The following CSF3R variants were observed in gnomAD, a reference collection of about 807,000 sequenced individuals.
CSF3R encodes the protein granulocyte colony-stimulating factor receptor.
Under a neutral mutation model 84.4 loss-of-function variants are expected in CSF3R, and 52 were observed. The ratio of observed to expected loss-of-function variants is 0.62; its 90% CI spans 0.49 to 0.78. The LOEUF (loss-of-function observed/expected upper bound fraction) is 0.78. Among genes scored for constraint, CSF3R ranks in the 30% least tolerant of loss-of-function variants. The pLI is 0.00. For synonymous variants in CSF3R, 384 were observed against 429.1 expected (o/e 0.89, Z 1.30); for missense variants, 890 against 1,055.7 (o/e 0.84, Z 2.17).
In CSF3R at chr1:36,475,586, T is replaced by G; in HGVS notation, c.152A>C (p.Asn51Thr). 6.2e-7 allele frequency: 1 copy of G among 1,612,208 alleles called. No individual in the cohort carries two copies. The highest frequency in any genetic ancestry group is 1.3e-5 in the African/African-American group (1 of 74,976). The change falls in exon 4 of 17, where the codon AAC becomes ACC. Residue 51 changes from asparagine to threonine, a missense_variant. Physicochemically the swap from Asn to Thr is moderately conservative, Grantham distance 65. Transcript: ENST00000373106. ...PITASCIIKQNCSHLDPEPQI... is the reference protein window; with the variant it reads ...PITASCIIKQTCSHLDPEPQI... ...TGGCTCCGGGTCCAGATGGCTGCAG[T>G]TCTGCTTGATGATGCAGGAGGCTGT...
chr1:36,470,445 A>C (rs1650638519), intron 10 of CSF3R, among the ~76,000 whole-genome samples: 1 of 152,136 alleles, frequency 6.6e-6, no homozygotes, highest in Admixed American at 6.5e-5. Context: ...TCAGCCTCCC[A>C]AAGTGCTGGG....
rs767470218 is a variant in CSF3R, at chr1:36,472,427, C to T, written c.844-36G>A. 1.1e-5 allele frequency: 17 copies of T among 1,613,648 alleles called. No individual in the cohort carries two copies. Among genetic ancestry groups the T allele is most frequent in the East Asian group, 2.2e-5 (1 of 44,882 alleles). On this transcript the variant is annotated intron_variant, in intron 7 of 16. Transcript: ENST00000373106. The surrounding 1 kb of genome is among the most constrained non-coding windows in gnomAD (Gnocchi z 5.0). ...GTGGACAGGACTCTGAGCCTTGGAT[C>T]GCTGGGCCATTCTAGGGCCAGCTCG...
At chr1:36,481,077 T>C (rs1212348054) in intron 2 of CSF3R, among the ~76,000 whole-genome samples, 1 of 152,148 alleles carries the variant, frequency 6.6e-6, no homozygotes, top group African/African-American at 2.4e-5. Context: ...GCAACACTGG[T>C]TGGGGAAGAT....
rs772910895 is a variant in CSF3R, at chr1:36,466,383, C to A, written c.2485G>T (p.Gly829Trp). 6.2e-7 allele frequency: 1 copy of A among 1,613,338 alleles called. No homozygotes were observed. Among genetic ancestry groups the A allele is most frequent in the East Asian group, 2.2e-5 (1 of 44,878 alleles). ...FPLLQGIRVH[G>W]MEALGSF ...TAGAAGCTCCCCAGCGCCTCCATCC[C>A]ATGGACCCGGATCCCCTGCAGGAGG... The change falls in exon 17 of 17, where the codon GGG becomes TGG. Residue 829 changes from glycine (G) to tryptophan (W), a missense_variant. By Grantham distance (184) the Gly-to-Trp change is radical. Coordinates refer to ENST00000373106, the MANE Select transcript of CSF3R (RefSeq NM_000760.4). The surrounding 1 kb of genome is among the most constrained non-coding windows in gnomAD (Gnocchi z 4.6).
At chr1:36,479,341 C>T in intron 3 of CSF3R, 92 bp downstream of exon 3, 1 of 1,260,358 alleles carries the variant, frequency 7.9e-7, no homozygotes, top group South Asian at 1.2e-5. Flanking sequence ...CTCTGGGAAT[C>T]CCAGGAGCCA....
chr1:36,472,477 C>T lies in CSF3R; in HGVS notation c.843+40G>A. ...GAGCCCGACTTACCCTGCCCCCTGCCCCCACCACCTCAGGCTCTCCAGGTT... is the reference window on the plus strand; with the variant it reads ...GAGCCCGACTTACCCTGCCCCCTGCTCCCACCACCTCAGGCTCTCCAGGTT... On this transcript the variant is annotated intron_variant, in intron 7 of 16. Transcript: ENST00000373106. This position sits in a 1 kb window ranked among gnomAD's most constrained non-coding sequence, Gnocchi z 5.0. 1 of 1,614,094 alleles carries T rather than the reference C, an allele frequency of 6.2e-7. No individual in the cohort carries two copies. Among genetic ancestry groups the T allele is most frequent in the Non-Finnish European group, 8.5e-7 (1 of 1,180,000 alleles).
At position 36,467,101 on chromosome 1, in the gene CSF3R, T is replaced by C; in HGVS notation, c.2040+129A>G. 1 of 1,282,198 alleles carries C rather than the reference T, an allele frequency of 7.8e-7. No homozygotes were observed. Among genetic ancestry groups the C allele is most frequent in the Non-Finnish European group, 1.1e-6 (1 of 893,280 alleles). 79.4% of individuals were successfully genotyped at this position (1,282,198 alleles called of 1,614,324 possible). A position where few individuals can be genotyped will look rare whatever the true frequency, so the allele number is the denominator to read the frequency against. The stretch of plus-strand genomic sequence containing the variant: ...GGTGGGATTCAAAGTTGGGTCTGCT[T>C]CAGTCCAAAGGGACGAGATGTTGCC... On this transcript the variant is annotated intron_variant, in intron 16 of 16. Coordinates refer to ENST00000373106, the MANE Select transcript of CSF3R (RefSeq NM_000760.4). This position sits in a 1 kb window ranked among gnomAD's most constrained non-coding sequence, Gnocchi z 4.1.
At chr1:36,469,070 C>T (rs1018279235) in intron 12 of CSF3R, 86 bp downstream of exon 12, 4 of 966,728 alleles carry the variant, frequency 4.1e-6, no homozygotes, top group African/African-American at 1.6e-5. Context: ...AGGCAATGTT[C>T]CCTATACTTC....
At chr1:36,475,311 ATAT>A in intron 4 of CSF3R, 63 bp downstream of exon 4, 1 of 1,593,202 alleles carries the variant, frequency 6.3e-7, no homozygotes, top group Middle Eastern at 2.2e-4. Flanking sequence ...CCGGCTGGTA[ATAT>A]TCTTATTAGT....
rs1280126194 is a variant in CSF3R at position 36,468,162 on chromosome 1, C to T, written c.1636G>A (p.Glu546Lys). Reference sequence around the variant, plus strand: ...AGCTCAGGGGGCTCAGGCACCCACTCCAGCTGTGCCCAGGTCTTGCCAATG... The same window carrying T: ...AGCTCAGGGGGCTCAGGCACCCACTTCAGCTGTGCCCAGGTCTTGCCAATG... The part of the protein sequence containing the change: ...KHIGKTWAQL[E>K]WVPEPPELGK... Residue 546 changes from glutamate to lysine, a missense_variant, in exon 13 of 17, where the codon GAG becomes AAG. Physicochemically the swap from Glu to Lys is moderately conservative, Grantham distance 56. Transcript: ENST00000373106. 2.5e-6 allele frequency: 4 copies of T among 1,612,690 alleles called. No individual in the cohort carries two copies. The highest frequency in any genetic ancestry group is 3.4e-6 in the Non-Finnish European group (4 of 1,179,202).
At chr1:36,470,508 A>C (rs1650642528) in intron 10 of CSF3R, among the ~76,000 whole-genome samples, 1 of 152,200 alleles carries the variant, frequency 6.6e-6, no homozygotes, top group African/African-American at 2.4e-5. Context: ...TAATTCACTG[A>C]GTCCTCTAAT....
intron 12 of CSF3R, 70 bp downstream of exon 12, chr1:36,469,086 G>T (rs548853956): frequency 3.5e-6 from 4 of 1,132,090 alleles, no homozygotes; most frequent in South Asian, 1.3e-5. Context: ...ACTTCTGATT[G>T]CTGGGGACCA....
intron 4 of CSF3R, among the ~76,000 whole-genome samples, chr1:36,475,161 T>C (rs1031507862): frequency 2.0e-5 from 3 of 152,124 alleles, no homozygotes; most frequent in Non-Finnish European, 4.4e-5. Context: ...CCCGCCACTA[T>C]GCCTGGCTAA....
chr1:36,469,197 A>G lies in CSF3R; in HGVS notation c.1535T>C (p.Met512Thr). The G allele has an allele frequency of 6.2e-7, 1 of 1,614,148 alleles. No homozygotes were observed. Among genetic ancestry groups the G allele is most frequent in the Non-Finnish European group, 8.5e-7 (1 of 1,180,012 alleles). The change falls in exon 12 of 17, where the codon ATG (methionine) becomes ACG (threonine). Residue 512 changes from methionine to threonine, a missense_variant. By Grantham distance (81) the Met-to-Thr change is moderately conservative. Transcript: ENST00000373106. The stretch of plus-strand genomic sequence containing the variant: ...GGCATAGACATGCTGGGAGGGTCCC[A>G]TGGTGTCCTGGTACAAGGGAGTCAC... ...IIVTPLYQDT[M>T]GPSQHVYAYS...
intron 10 of CSF3R, 146 bp downstream of exon 10, chr1:36,471,287 T>A (rs1650704005): frequency 1.2e-6 from 1 of 819,616 alleles, no homozygotes; most frequent in Admixed American, 1.7e-5. Context: ...CCTCGGATGA[T>A]CTGCCCACCT....
chr1:36,473,955 G>T, intron 4 of CSF3R, 68 bp from the exon 5 acceptor site: 2 of 1,609,384 alleles, frequency 1.2e-6, no homozygotes, highest in Non-Finnish European at 1.7e-6. Flanking sequence ...TCTGGGACCA[G>T]CTGGCCCTGT....
Position 36,475,459 on chromosome 1 carries a change from GT to G in CSF3R, c.278del (p.Asn93ThrfsTer11). 1 of 1,614,232 alleles carries G rather than the reference GT, an allele frequency of 6.2e-7. No homozygotes were observed. Among genetic ancestry groups the G allele is most frequent in the Non-Finnish European group, 8.5e-7 (1 of 1,180,038 alleles). ...QESIITLPHL[N>X]HTQAFLSCCL... ...AGCAGGAGAGAAAGGCCTGAGTGTG[GT>G]TGAGGTGGGGCAGGGTGATGATAGA... On this transcript the variant is annotated frameshift_variant, in exon 4 of 17. Coordinates refer to ENST00000373106, the MANE Select transcript of CSF3R (RefSeq NM_000760.4). LOFTEE classifies it high-confidence loss of function.
chr1:36,471,784 T>A, intron 9 of CSF3R, 138 bp from the exon 10 acceptor site: 1 of 833,754 alleles, frequency 1.2e-6, no homozygotes, highest in Non-Finnish European at 1.9e-6. Context: ...CCCTCCCCTT[T>A]TCCCTCTGTT....
At chr1:36,482,032 C>T (rs971170308) in intron 1 of CSF3R, 1 of 152,368 alleles carries the variant, frequency 6.6e-6, no homozygotes, top group Non-Finnish European at 1.5e-5. Flanking sequence ...ACCCCTCGCT[C>T]CCTTGCTGTT....
Sources: allele counts gnomAD v4.1 joint callset (sites outside exome capture counted in the v4.1 genomes callset), GRCh38; gene constraint gnomAD v4.1.1; non-coding constraint Gnocchi (gnomAD v3.1); transcripts MANE v1.5; gene names NCBI Gene and HGNC (gene_info 2026-07-23, HGNC 2026-07-21).